The following TTC34 variants were observed in gnomAD, a reference collection of about 807,000 sequenced individuals.
TTC34 encodes the protein tetratricopeptide repeat protein 34.
A neutral mutation model predicts 40.7 loss-of-function variants in TTC34; 44 were observed. That is an observed-to-expected ratio of 1.08 (90% CI 0.85 to 1.39). TTC34 has a LOEUF of 1.39. Among genes scored for constraint, TTC34 ranks in the 40% most tolerant of loss-of-function variants. The probability of loss-of-function intolerance (pLI) is 0.00; values close to 1 mark genes in which losing one functional copy is unlikely to be tolerated. For synonymous variants in TTC34, 422 were observed against 398.6 expected (o/e 1.06, Z -0.70); for missense variants, 884 against 838.0 (o/e 1.05, Z -0.68).
At chr1:2,684,434 C>A (rs1333178412) in intron 6 of TTC34, among the ~76,000 whole-genome samples, 5 of 141,010 alleles carry the variant, frequency 3.5e-5, no homozygotes, top group African/African-American at 1.1e-4. Flanking sequence ...CACCACCCTG[C>A]ACCCCCAGGT....
intron 6 of TTC34, among the ~76,000 whole-genome samples, chr1:2,652,968 C>T (rs973793580): frequency 1.3e-5 from 2 of 151,160 alleles, no homozygotes; most frequent in Non-Finnish European, 3.0e-5. Flanking sequence ...TGCCCACACC[C>T]CCAGGTGAGC....
At chr1:2,653,756 A>G (rs952014519) in intron 6 of TTC34, among the ~76,000 whole-genome samples, 1 of 151,080 alleles carries the variant, frequency 6.6e-6, no homozygotes, top group African/African-American at 2.4e-5. Flanking sequence ...GAGAGTCTGG[A>G]GCAGCGCCCA....
chr1:2,691,782 AC>A lies in TTC34; in HGVS notation c.2227-46220del, dbSNP rs1447539153. 2.2e-5 allele frequency among the ~76,000 whole-genome samples: 2 copies of A among 92,212 alleles called. 1 individual carries two copies. Among genetic ancestry groups the A allele is most frequent in the African/African-American group, 7.3e-5 (2 of 27,476 alleles). The allele number at this position is 92,212 out of a possible 152,430, so 60.5% of individuals were successfully genotyped here. A position where few individuals can be genotyped will look rare whatever the true frequency, so the allele number is the denominator to read the frequency against. ...TCTGAACGCAAATAGCAGCACCCACACCCCCAGGCGAGCATCCGACAGCCTG... is the reference window on the plus strand; with the variant it reads ...TCTGAACGCAAATAGCAGCACCCACACCCCAGGCGAGCATCCGACAGCCTG... On this transcript the variant is annotated intron_variant, in intron 6 of 8. Transcript: ENST00000401095.
chr1:2,753,322 A>G (rs1249238747), intron 6 of TTC34, among the ~76,000 whole-genome samples: 98 of 109,822 alleles, frequency 8.9e-4, no homozygotes, highest in African/African-American at 1.5e-3. Context: ...GACAGCCTGG[A>G]GCATCACCCA....
intron 6 of TTC34, among the ~76,000 whole-genome samples, chr1:2,648,005 GTTT>G (rs57209476): frequency 6.9e-6 from 1 of 145,320 alleles, no homozygotes; most frequent in African/African-American, 2.5e-5. Flanking sequence ...GATTATTACT[GTTT>G]TTTTTTTTTC....
chr1:2,642,941 C>T (rs1251771233), intron 8 of TTC34, among the ~76,000 whole-genome samples: 2 of 152,230 alleles, frequency 1.3e-5, no homozygotes, highest in South Asian at 2.1e-4. Context: ...CTCGAAACCC[C>T]GTCCCTCGCC....
At chr1:2,692,427 C>T (rs1211359751) in intron 6 of TTC34, among the ~76,000 whole-genome samples, 1 of 119,930 alleles carries the variant, frequency 8.3e-6, no homozygotes, top group Non-Finnish European at 1.8e-5. Flanking sequence ...CCCACACCCC[C>T]AGGTGAGCAT....
chr1:2,645,646 T>C lies in TTC34; in HGVS notation c.2227-83A>G. 7.5e-7 allele frequency: 1 copy of C among 1,340,380 alleles called. No individual in the cohort carries two copies. Among genetic ancestry groups the C allele is most frequent in the Non-Finnish European group, 9.7e-7 (1 of 1,027,684 alleles). The allele number at this position is 1,340,380 out of a possible 1,614,324, so 83.0% of individuals were successfully genotyped here. On this transcript the variant is annotated intron_variant, in intron 6 of 8. Coordinates refer to ENST00000401095, the Ensembl canonical transcript of TTC34. This position sits in a 1 kb window ranked among gnomAD's most constrained non-coding sequence, Gnocchi z 4.7. ...AGGGTCAGAGTAGGAGGACTGGCTC[T>C]GTCTTTCTCATTCCCTGATCTTCTC...
Position 2,690,403 on chromosome 1 carries a change from C to A in TTC34, c.2227-44840G>T, listed in dbSNP as rs1455129398. On this transcript the variant is annotated intron_variant, in intron 6 of 8. Transcript: ENST00000401095. ...ACCCCCAGGCGAGCATCTGACCCAACGGAGCAGAACCCAGAACCCCAGGCG... is the reference window on the plus strand; with the variant it reads ...ACCCCCAGGCGAGCATCTGACCCAAAGGAGCAGAACCCAGAACCCCAGGCG... Among the ~76,000 whole-genome samples the A allele has an allele frequency of 8.5e-5, 8 of 93,716 alleles. No individual in the cohort carries two copies. In the East Asian group the frequency reaches 2.0e-3, roughly 23 times the overall value. 61.5% of individuals were successfully genotyped at this position (93,716 alleles called of 152,430 possible). A position where few individuals can be genotyped will look rare whatever the true frequency, so the allele number is the denominator to read the frequency against.
intron 6 of TTC34, among the ~76,000 whole-genome samples, chr1:2,747,712 C>CACA (rs1641198658): frequency 2.4e-5 from 3 of 125,662 alleles, no homozygotes; most frequent in Admixed American, 7.9e-5. Context: ...GAACAGCACC[C>CACA]CGCACCCCCA....
intron 6 of TTC34, among the ~76,000 whole-genome samples, chr1:2,751,643 C>T (rs1472231114): frequency 0.031 from 76 of 2,448 alleles, no homozygotes; most frequent in Middle Eastern, 0.083. Flanking sequence ...GAACAGCACC[C>T]ACACCCCCAG....
chr1:2,789,675 C>T (rs1643639527), exon 3 of TTC34: 2 of 1,292,646 alleles, frequency 1.5e-6, no homozygotes. Context: ...AGCAGCGCCT[C>T]CTCGGGCCGC....
chr1:2,686,363 C>T (rs1321372419), intron 6 of TTC34, among the ~76,000 whole-genome samples: 3,221 of 107,450 alleles, frequency 0.03, no homozygotes, highest in African/African-American at 0.063. Context: ...ACCCACACCC[C>T]CAGGTGCGCA....
At chr1:2,683,441 G>C (rs896431864) in intron 6 of TTC34, among the ~76,000 whole-genome samples, 1 of 149,110 alleles carries the variant, frequency 6.7e-6, no homozygotes, top group African/African-American at 2.5e-5. Context: ...ACCCCCAGGT[G>C]AGCATCCGAC....
chr1:2,648,005 GT>G (rs57209476), intron 6 of TTC34, among the ~76,000 whole-genome samples: 32,217 of 145,238 alleles, frequency 0.22, 3,592 homozygotes, highest in South Asian at 0.26. Flanking sequence ...GATTATTACT[GT>G]TTTTTTTTTT....
intron 6 of TTC34, among the ~76,000 whole-genome samples, chr1:2,655,243 A>AGTCTGCTCCCGGAGGTGG (rs1450374691): frequency 1.0e-5 from 1 of 97,580 alleles, no homozygotes. Context: ...AGGCTGGAGC[A>AGTCTGCTCCCGGAGGTGG]GCACGCACAC....
chr1:2,773,149 C>A (rs1221226876), intron 6 of TTC34, among the ~76,000 whole-genome samples: 3 of 147,426 alleles, frequency 2.0e-5, no homozygotes, highest in Admixed American at 1.4e-4. Flanking sequence ...CCCAGGCGAG[C>A]ATCTGACAGC....
chr1:2,800,890 G>A (rs1643765421), intron 1 of TTC34, 22 bp from the exon 2 acceptor site: 3 of 398,438 alleles, frequency 7.5e-6, no homozygotes, highest in Admixed American at 8.8e-5. Context: ...GGAGCATGGT[G>A]AGTCCACAGA....
rs562201225 is a variant in TTC34, at chr1:2,700,364, C to T, written c.2227-54801G>A. On this transcript the variant is annotated intron_variant, in intron 6 of 8. Transcript: ENST00000401095. ...GTGAGCATCCGACAGCCTGGAGCAGCGCCCACAACCCCAGGTGAGTATCTG... is the reference window on the plus strand; with the variant it reads ...GTGAGCATCCGACAGCCTGGAGCAGTGCCCACAACCCCAGGTGAGTATCTG... Among the ~76,000 whole-genome samples the T allele has an allele frequency of 1.1e-3, 129 of 114,898 alleles. 17 individuals are homozygous for T. The highest frequency in any genetic ancestry group is 3.0e-3 in the African/African-American group (108 of 36,532). The allele number at this position is 114,898 out of a possible 152,430, so 75.4% of individuals were successfully genotyped here. A position where few individuals can be genotyped will look rare whatever the true frequency, so the allele number is the denominator to read the frequency against.
Sources: gnomAD v4.1 joint callset for allele counts (sites outside exome capture counted in the v4.1 genomes callset) on GRCh38, gnomAD v4.1.1 for gene constraint, Gnocchi (gnomAD v3.1) non-coding constraint, MANE v1.5 for transcripts, NCBI Gene and HGNC (gene_info 2026-07-23, HGNC 2026-07-21) for gene names.